The following XRRA1 variants were observed in gnomAD, a reference collection of about 807,000 sequenced individuals.
XRRA1 encodes X-ray radiation resistance associated 1, also known as X-ray radiation resistance-associated protein 1.
XRRA1 carries 69 observed loss-of-function variants against 80.2 expected under a neutral mutation model. The ratio of observed to expected loss-of-function variants is 0.86; its 90% CI spans 0.71 to 1.05. The LOEUF (loss-of-function observed/expected upper bound fraction) is 1.05, where lower values mean the gene tolerates loss of function less well. XRRA1 is among the 50% of genes least tolerant of loss of function. The probability of loss-of-function intolerance (pLI) is 0.00; values close to 1 mark genes in which losing one functional copy is unlikely to be tolerated. For synonymous variants in XRRA1, 348 were observed against 389.9 expected, an observed-to-expected ratio of 0.89 and a Z score of 1.27; for missense variants, 967 against 976.4, an observed-to-expected ratio of 0.99 and a Z score of 0.13.
intron 10 of XRRA1, among the ~76,000 whole-genome samples, chr11:74,893,405 TGGGGTG>T (rs1456475283): frequency 6.4e-5 from 1 of 15,520 alleles, no homozygotes; most frequent in Admixed American, 7.2e-4. Context: ...GGGCCTGTTG[TGGGGTG>T]GGGGAGGGGG....
intron 10 of XRRA1, among the ~76,000 whole-genome samples, chr11:74,890,127 T>C (rs1384379316): frequency 6.6e-6 from 1 of 152,078 alleles, no homozygotes; most frequent in East Asian, 1.9e-4. Flanking sequence ...CACACTTATT[T>C]CAAAATTGAC....
chr11:74,864,323 G>GAA (rs1361492532), intron 10 of XRRA1, among the ~76,000 whole-genome samples: 9 of 152,160 alleles, frequency 5.9e-5, no homozygotes, highest in African/African-American at 2.2e-4. Context: ...AAGACTGAGT[G>GAA]GAGAGACTCT....
intron 4 of XRRA1, 83 bp from the exon 5 acceptor site, chr11:74,933,955 G>T: frequency 8.4e-7 from 1 of 1,196,998 alleles, no homozygotes. Flanking sequence ...CTCTTGTTGG[G>T]CAATCATATA....
At chr11:74,932,548 A>G (rs1180990536) in intron 5 of XRRA1, among the ~76,000 whole-genome samples, 1 of 152,198 alleles carries the variant, frequency 6.6e-6, no homozygotes, top group Non-Finnish European at 1.5e-5. Flanking sequence ...GGCCTCGGTA[A>G]TGTTTGGTGA....
intron 13 of XRRA1, 129 bp from the exon 14 acceptor site, chr11:74,851,332 TCGAGAA>T (rs1410224585): frequency 2.1e-5 from 13 of 617,614 alleles, no homozygotes; most frequent in Non-Finnish European, 3.0e-5. Context: ...AGGAGGTAGG[TCGAGAA>T]TTCCTACCTC....
intron 10 of XRRA1, among the ~76,000 whole-genome samples, chr11:74,879,476 C>T (rs1789123529): frequency 6.6e-6 from 1 of 151,912 alleles, no homozygotes; most frequent in Non-Finnish European, 1.5e-5. Flanking sequence ...TGCCTAATTG[C>T]CCTGGCCAGA....
chr11:74,902,176 A>G (rs1238225762), intron 10 of XRRA1, among the ~76,000 whole-genome samples: 4 of 152,234 alleles, frequency 2.6e-5, no homozygotes, highest in Non-Finnish European at 5.9e-5. Flanking sequence ...TCTTAACATC[A>G]CTGACCATCA....
In XRRA1 at chr11:74,874,791, C is replaced by T. The variant is rs1442176895; in HGVS notation, c.1004-11770G>A. Among the ~76,000 whole-genome samples, 7 of 152,202 alleles carry T rather than the reference C, an allele frequency of 4.6e-5. No homozygotes were observed. The East Asian group carries it at 1.4e-3, about 29-fold the overall frequency. On this transcript the variant is annotated intron_variant, in intron 10 of 18. Transcript: ENST00000684022. ...ACATGACTGTGAACAAGTTGTGGTA[C>T]AGACCTATGCAGCCAGGGAAGCTCT...
At chr11:74,889,268 G>A (rs11501914) in intron 10 of XRRA1, among the ~76,000 whole-genome samples, 1,765 of 152,206 alleles carry the variant, frequency 0.012, 47 homozygotes, top group African/African-American at 0.04. Flanking sequence ...TTAAAGAAAA[G>A]AATTTTCAAC....
intron 15 of XRRA1, chr11:74,846,246 T>C (rs1318765640): frequency 6.6e-6 from 1 of 152,164 alleles, no homozygotes; most frequent in Non-Finnish European, 1.5e-5. Context: ...ATATTATATA[T>C]ACACACGTAT....
intron 7 of XRRA1, among the ~76,000 whole-genome samples, chr11:74,926,892 AGCCT>A (rs1365124504): frequency 1.3e-5 from 2 of 149,630 alleles, no homozygotes; most frequent in Non-Finnish European, 3.0e-5. Context: ...CTAGGCCTAT[AGCCT>A]GCTCTATCCC....
chr11:74,859,383 C>T, intron 11 of XRRA1, 100 bp from the exon 12 acceptor site: 1 of 1,348,656 alleles, frequency 7.4e-7, no homozygotes, highest in Non-Finnish European at 1.0e-6. Flanking sequence ...AATGAATGAC[C>T]TTCCTAGAGA....
intron 15 of XRRA1, among the ~76,000 whole-genome samples, chr11:74,845,590 C>T (rs980394929): frequency 6.6e-6 from 1 of 152,102 alleles, no homozygotes; most frequent in African/African-American, 2.4e-5. Context: ...GAGGTGTGGA[C>T]TGCAAGTGAT....
Position 74,843,976 on chromosome 11 carries a change from G to T in XRRA1, c.2044-17C>A. 6.2e-7 allele frequency: 1 copy of T among 1,607,214 alleles called. No individual in the cohort carries two copies. The highest frequency in any genetic ancestry group is 1.1e-5 in the South Asian group (1 of 90,626). On this transcript the variant is annotated splice_polypyrimidine_tract_variant and intron_variant, in intron 17 of 18. Coordinates refer to ENST00000684022, the MANE Select transcript of XRRA1 (RefSeq NM_001378157.1). ...TCTCTGGGCCTGGCAGAAGGTCATG[G>T]AGGAGGGTGTTATCCCAGGTTTATG...
chr11:74,906,178 A>G, intron 10 of XRRA1, 61 bp downstream of exon 10: 1 of 1,488,270 alleles, frequency 6.7e-7, no homozygotes, highest in African/African-American at 1.4e-5. Context: ...TTCAGAATAA[A>G]CTCTCAGAAG....
intron 8 of XRRA1, among the ~76,000 whole-genome samples, chr11:74,914,650 C>T (rs1004277413): frequency 6.6e-6 from 1 of 151,598 alleles, no homozygotes; most frequent in Non-Finnish European, 1.5e-5. Flanking sequence ...AGAGCCTTTT[C>T]TCGGTACCCA....
intron 3 of XRRA1, among the ~76,000 whole-genome samples, chr11:74,938,477 G>A (rs923921357): frequency 6.6e-6 from 1 of 152,150 alleles, no homozygotes; most frequent in East Asian, 1.9e-4. Flanking sequence ...AAGAGACTAT[G>A]CAAATATCCT....
intron 10 of XRRA1, among the ~76,000 whole-genome samples, chr11:74,890,055 T>G (rs1244429491): frequency 6.6e-6 from 1 of 152,210 alleles, no homozygotes. Context: ...GCAGACCTAA[T>G]AGACATCTAC....
At chr11:74,906,121 G>C in intron 10 of XRRA1, 118 bp downstream of exon 10, 1 of 947,006 alleles carries the variant, frequency 1.1e-6, no homozygotes, top group Non-Finnish European at 1.6e-6. Context: ...CCTTGACAAA[G>C]AATCAGCAAA....
Sources: allele counts gnomAD v4.1 joint callset (sites outside exome capture counted in the v4.1 genomes callset), GRCh38; gene constraint gnomAD v4.1.1; transcripts MANE v1.5; gene names NCBI Gene and HGNC (gene_info 2026-07-23, HGNC 2026-07-21).